The following NDST4 variants were observed in gnomAD, a reference collection of about 807,000 sequenced individuals.
The protein encoded by NDST4 is N-heparan sulfate sulfotransferase 4.
A neutral mutation model predicts 100.8 loss-of-function variants in NDST4; 63 were observed. The observed-to-expected ratio is 0.62, with a 90% CI of 0.51 to 0.77. The LOEUF (loss-of-function observed/expected upper bound fraction) is 0.77, where lower values mean the gene tolerates loss of function less well. Ranked by LOEUF, NDST4 falls within the 30% of genes least tolerant of loss-of-function variation. The pLI, the probability that NDST4 is intolerant of heterozygous loss-of-function variation, is 0.00. For synonymous variants in NDST4, 377 were observed against 361.8 expected, an observed-to-expected ratio of 1.04 and a Z score of -0.48; for missense variants, 943 against 1,018.4, an observed-to-expected ratio of 0.93 and a Z score of 1.01.
chr4:115,009,579 A>G (rs1727496723), intron 2 of NDST4, among the ~76,000 whole-genome samples: 1 of 123,196 alleles, frequency 8.1e-6, no homozygotes, highest in African/African-American at 3.1e-5. Flanking sequence ...AACCATAAAA[A>G]CCCTAGAAGA....
intron 6 of NDST4, among the ~76,000 whole-genome samples, chr4:114,879,743 G>C (rs949560111): frequency 6.6e-6 from 1 of 152,086 alleles, no homozygotes; most frequent in East Asian, 1.9e-4. Flanking sequence ...AAAATATGGA[G>C]TAATTTAATT....
chr4:114,951,767 C>T (rs1205152010), intron 4 of NDST4, among the ~76,000 whole-genome samples: 2 of 152,112 alleles, frequency 1.3e-5, no homozygotes, highest in Non-Finnish European at 2.9e-5. Flanking sequence ...AAGGGTTTGA[C>T]TTCTACACTG....
In NDST4 at chr4:114,843,753, T is replaced by A. The variant is rs1291798691; in HGVS notation, c.2115+2070A>T. ...CTGAATTTTTTTCTTCTATTTTGGC[T>A]ATATTTTCTTGTCTTTCTTGGCGCC... On this transcript the variant is annotated intron_variant, in intron 10 of 13. Coordinates refer to ENST00000264363, the MANE Select transcript of NDST4 (RefSeq NM_022569.3). 2.0e-5 allele frequency among the ~76,000 whole-genome samples: 3 copies of A among 152,152 alleles called. No homozygotes were observed. In the East Asian group the frequency reaches 5.8e-4, roughly 29 times the overall value.
chr4:114,968,759 G>A (rs551518457), intron 4 of NDST4, among the ~76,000 whole-genome samples: 31 of 152,152 alleles, frequency 2.0e-4, no homozygotes, highest in African/African-American at 7.5e-4. Flanking sequence ...TTTTAAAAAA[G>A]GCTTTCTTAG....
chr4:114,933,614 C>T (rs1725563821), intron 6 of NDST4, among the ~76,000 whole-genome samples: 1 of 151,594 alleles, frequency 6.6e-6, no homozygotes, highest in Non-Finnish European at 1.5e-5. Flanking sequence ...TCTACAAATG[C>T]TTAATATCCA....
At chr4:115,108,855 A>C (rs1203128246) in intron 1 of NDST4, among the ~76,000 whole-genome samples, 1 of 151,916 alleles carries the variant, frequency 6.6e-6, no homozygotes, top group Non-Finnish European at 1.5e-5. Context: ...TTATTAGATT[A>C]ATAATTGCCA....
chr4:114,889,148 AC>A (rs1488404250), intron 6 of NDST4, among the ~76,000 whole-genome samples: 1 of 152,180 alleles, frequency 6.6e-6, no homozygotes, highest in East Asian at 1.9e-4. Context: ...TTACAAAAGC[AC>A]ATGTGTTTGA....
intron 2 of NDST4, among the ~76,000 whole-genome samples, chr4:115,013,299 T>C (rs1442372035): frequency 6.9e-6 from 1 of 145,218 alleles, no homozygotes; most frequent in African/African-American, 2.5e-5. Context: ...TTATATATTG[T>C]ATGCCTGTAT....
chr4:115,013,178 T>A (rs1387534175), intron 2 of NDST4, among the ~76,000 whole-genome samples: 1 of 151,246 alleles, frequency 6.6e-6, no homozygotes, highest in African/African-American at 2.4e-5. Flanking sequence ...TAAACAATAA[T>A]TTATTGTACA....
At chr4:114,851,392 G>T (rs1723673067) in intron 8 of NDST4, among the ~76,000 whole-genome samples, 1 of 152,000 alleles carries the variant, frequency 6.6e-6, no homozygotes, top group African/African-American at 2.4e-5. Context: ...TTATTTGTTT[G>T]TTTGTCTTAG....
chr4:114,942,396 A>G (rs1216102970), intron 4 of NDST4, among the ~76,000 whole-genome samples: 2 of 152,060 alleles, frequency 1.3e-5, no homozygotes, highest in East Asian at 1.9e-4. Context: ...TTTAAAAAAT[A>G]TATTATTAAT....
chr4:114,972,562 AAAG>A (rs1726537524), intron 3 of NDST4, among the ~76,000 whole-genome samples: 1 of 152,044 alleles, frequency 6.6e-6, no homozygotes, highest in African/African-American at 2.4e-5. Flanking sequence ...TTAAAATTCA[AAAG>A]AAGAAGAGTT....
chr4:114,828,046 A>T, intron 13 of NDST4, 111 bp from the exon 14 acceptor site: 3 of 914,042 alleles, frequency 3.3e-6, no homozygotes, highest in Non-Finnish European at 4.5e-6. Flanking sequence ...TGTCTACAAC[A>T]TATTATATTT....
intron 4 of NDST4, among the ~76,000 whole-genome samples, chr4:114,953,187 C>T (rs903753475): frequency 4.0e-5 from 6 of 151,830 alleles, no homozygotes; most frequent in African/African-American, 7.3e-5. Flanking sequence ...TTCTAGGGCT[C>T]GGTTTTCTCA....
chr4:114,917,310 T>C (rs903303470), intron 6 of NDST4, among the ~76,000 whole-genome samples: 7 of 152,192 alleles, frequency 4.6e-5, no homozygotes, highest in Non-Finnish European at 1.0e-4. Flanking sequence ...AATGTGGTAC[T>C]CATATACAGA....
intron 2 of NDST4, among the ~76,000 whole-genome samples, chr4:115,013,091 G>A (rs1727590911): frequency 6.6e-6 from 1 of 150,824 alleles, no homozygotes; most frequent in South Asian, 2.1e-4. Context: ...GGAAAGTGGG[G>A]ATGCTTAATA....
chr4:115,036,806 A>G (rs890557648), intron 2 of NDST4, among the ~76,000 whole-genome samples: 1 of 151,982 alleles, frequency 6.6e-6, no homozygotes, highest in Non-Finnish European at 1.5e-5. Context: ...TCAATACTAC[A>G]AAAAATTTTC....
At chr4:115,111,340 T>A (rs1184527104) in intron 1 of NDST4, among the ~76,000 whole-genome samples, 1 of 151,840 alleles carries the variant, frequency 6.6e-6, no homozygotes, top group African/African-American at 2.4e-5. Flanking sequence ...TAATCTCAAA[T>A]AAAAAATGAA....
intron 2 of NDST4, among the ~76,000 whole-genome samples, chr4:115,069,208 G>A (rs1438173537): frequency 2.0e-5 from 3 of 152,120 alleles, no homozygotes; most frequent in Non-Finnish European, 4.4e-5. Context: ...GGTCATGGTA[G>A]ACATGAGATA....
Sources: allele counts gnomAD v4.1 joint callset (sites outside exome capture counted in the v4.1 genomes callset), GRCh38; gene constraint gnomAD v4.1.1; transcripts MANE v1.5; gene names NCBI Gene and HGNC (gene_info 2026-07-23, HGNC 2026-07-21).